Variants in FARP1 observed in about 807,000 individuals in gnomAD.
The protein encoded by FARP1 is FERM, ARH/RhoGEF and pleckstrin domain protein 1.
Under a neutral mutation model 128.8 loss-of-function variants are expected in FARP1, and 52 were observed. The ratio of observed to expected loss-of-function variants is 0.40; its 90% CI spans 0.32 to 0.51. The LOEUF (loss-of-function observed/expected upper bound fraction) is 0.51, where lower values mean the gene tolerates loss of function less well. Among genes scored for constraint, FARP1 ranks in the 20% least tolerant of loss-of-function variants. The pLI is 0.45. For missense variants in FARP1, 1,333 were observed against 1,367.9 expected (o/e 0.97, Z 0.40); for synonymous variants, 580 against 551.8 (o/e 1.05, Z -0.72).
chr13:98,205,515 C>T (rs970784927), intron 1 of FARP1, among the ~76,000 whole-genome samples: 3 of 152,060 alleles, frequency 2.0e-5, no homozygotes, highest in African/African-American at 7.3e-5. Flanking sequence ...GCCTTAGCTT[C>T]CTGAGTAGCT....
intron 2 of FARP1, chr13:98,329,296 T>C (rs557989244): frequency 6.6e-6 from 1 of 152,248 alleles, no homozygotes; most frequent in Non-Finnish European, 1.5e-5. Flanking sequence ...ATAGTTGGCC[T>C]TTTGTTAATG....
rs1392471503 is a variant in FARP1, at chr13:98,326,135, A to G, written c.172-17627A>G. ...GCTTGGTAATGAATAAACATATGCAAAAGGACAATCAGTTGCAGGTGTGTT... is the reference window on the plus strand; with the variant it reads ...GCTTGGTAATGAATAAACATATGCAGAAGGACAATCAGTTGCAGGTGTGTT... On this transcript the variant is annotated intron_variant, in intron 2 of 26. Coordinates refer to ENST00000319562, the MANE Select transcript of FARP1 (RefSeq NM_005766.4). 3.3e-5 allele frequency among the ~76,000 whole-genome samples: 5 copies of G among 152,362 alleles called. No homozygotes were observed. The East Asian group carries it at 7.7e-4, about 23-fold the overall frequency.
In FARP1 at chr13:98,322,667, G is replaced by A. The variant is rs139821907; in HGVS notation, c.172-21095G>A. ...GAAAACTCTTGTGTGATAGGAAGAA[G>A]GCACTGAGTAGAGGCTGTTCCCCGG... On this transcript the variant is annotated intron_variant, in intron 2 of 26. Transcript: ENST00000319562. Among the ~76,000 whole-genome samples, 1,047 of 152,342 alleles carry A rather than the reference G, an allele frequency of 6.9e-3. 4 individuals are homozygous for A. Among genetic ancestry groups the A allele is most frequent in the Non-Finnish European group, 0.012 (784 of 68,030 alleles).
At chr13:98,395,580 A>G (rs568365746) in intron 13 of FARP1, 104 bp downstream of exon 13, 19 of 1,365,576 alleles carry the variant, frequency 1.4e-5, no homozygotes, top group African/African-American at 2.9e-5. Flanking sequence ...AAGCGTCCCG[A>G]TCCCGGTCCC....
chr13:98,146,172 C>A (rs1875538924), intron 1 of FARP1, among the ~76,000 whole-genome samples: 1 of 151,978 alleles, frequency 6.6e-6, no homozygotes, highest in South Asian at 2.1e-4. Context: ...GGAAAAATGG[C>A]ATTGTGATTT....
At chr13:98,262,012 C>CT (rs1883906123) in intron 2 of FARP1, among the ~76,000 whole-genome samples, 1 of 147,640 alleles carries the variant, frequency 6.8e-6, no homozygotes, top group East Asian at 2.0e-4. Flanking sequence ...TGCCCACCCC[C>CT]GCCCCCCCAA....
intron 1 of FARP1, among the ~76,000 whole-genome samples, chr13:98,182,141 A>T (rs1878578907): frequency 6.6e-6 from 1 of 152,224 alleles, no homozygotes; most frequent in Non-Finnish European, 1.5e-5. Context: ...TTATCAGTTA[A>T]TTATGAATTT....
intron 2 of FARP1, among the ~76,000 whole-genome samples, chr13:98,304,953 C>T (rs1236603024): frequency 6.6e-6 from 1 of 152,114 alleles, no homozygotes; most frequent in Admixed American, 6.5e-5. Flanking sequence ...CTTTCAGCCT[C>T]ATCTGTCTGT....
At chr13:98,372,095 T>TTC (rs1566927779) in intron 5 of FARP1, among the ~76,000 whole-genome samples, 35 of 145,982 alleles carry the variant, frequency 2.4e-4, no homozygotes, top group Non-Finnish European at 4.2e-4. Context: ...TTTTTTTTTT[T>TTC]TTTTTTTTGG....
intron 15 of FARP1, 31 bp downstream of exon 15, chr13:98,410,854 A>G: frequency 8.7e-7 from 1 of 1,153,772 alleles, no homozygotes; most frequent in Non-Finnish European, 1.3e-6. Flanking sequence ...AAAGCATTCG[A>G]TTACATGATT....
At chr13:98,298,320 G>A (rs1326069244) in intron 2 of FARP1, among the ~76,000 whole-genome samples, 1 of 152,152 alleles carries the variant, frequency 6.6e-6, no homozygotes, top group Non-Finnish European at 1.5e-5. Context: ...ACGTTCATTC[G>A]TGTCGCATAA....
At chr13:98,235,249 C>T (rs1882347862) in intron 2 of FARP1, among the ~76,000 whole-genome samples, 1 of 152,120 alleles carries the variant, frequency 6.6e-6, no homozygotes, top group Non-Finnish European at 1.5e-5. Context: ...GCAATACCCC[C>T]AGAGCCACAT....
chr13:98,319,166 T>C, intron 2 of FARP1, among the ~76,000 whole-genome samples: 1 of 151,978 alleles, frequency 6.6e-6, no homozygotes, highest in South Asian at 2.1e-4. Flanking sequence ...GGTGTTGCTA[T>C]GTTGCCCAGG....
chr13:98,303,040 G>T (rs1250919513), intron 2 of FARP1, among the ~76,000 whole-genome samples: 1 of 152,164 alleles, frequency 6.6e-6, no homozygotes, highest in Admixed American at 6.5e-5. Flanking sequence ...TGTTTTGATT[G>T]TAAAGGGAAT....
At chr13:98,350,651 C>T (rs1349331743) in intron 3 of FARP1, among the ~76,000 whole-genome samples, 1 of 152,178 alleles carries the variant, frequency 6.6e-6, no homozygotes, top group Non-Finnish European at 1.5e-5. Flanking sequence ...CAGTTCCTCC[C>T]TCTCTCCTCG....
At chr13:98,163,212 G>A (rs575977172) in intron 1 of FARP1, among the ~76,000 whole-genome samples, 2 of 152,104 alleles carry the variant, frequency 1.3e-5, no homozygotes, top group Admixed American at 6.6e-5. Context: ...GCAAACTAAC[G>A]CAGGAACAGA....
chr13:98,411,060 GAAAATT>G (rs1214962849), intron 15 of FARP1, among the ~76,000 whole-genome samples: 1 of 152,256 alleles, frequency 6.6e-6, no homozygotes, highest in East Asian at 1.9e-4. Flanking sequence ...CTAAGGCAGA[GAAAATT>G]AAAATTAAAC....
chr13:98,433,471 G>A (rs1486384565), intron 18 of FARP1: 4 of 152,334 alleles, frequency 2.6e-5, no homozygotes, highest in African/African-American at 4.8e-5. Flanking sequence ...GCTCACACCT[G>A]TAATCCCAGC....
intron 21 of FARP1, 53 bp downstream of exon 21, chr13:98,439,249 C>A: frequency 1.5e-6 from 2 of 1,297,058 alleles, no homozygotes; most frequent in South Asian, 1.3e-5. Context: ...GCAGCAGGTG[C>A]GGGCGCTGCT....
Sources: allele counts gnomAD v4.1 joint callset (sites outside exome capture counted in the v4.1 genomes callset), GRCh38; gene constraint gnomAD v4.1.1; transcripts MANE v1.5; gene names NCBI Gene and HGNC (gene_info 2026-07-23, HGNC 2026-07-21).